ANK1: variants seen among roughly 807,000 people sequenced by gnomAD.
The protein encoded by ANK1 is ankyrin 1.
Under a neutral mutation model 210.4 loss-of-function variants are expected in ANK1, and 51 were observed. The observed-to-expected ratio is 0.24, with a 90% confidence interval of 0.19 to 0.31. The LOEUF (loss-of-function observed/expected upper bound fraction) is 0.31. ANK1 is among the 10% of genes least tolerant of loss of function. The pLI is 1.00. For missense variants in ANK1, 2,051 were observed against 2,504.4 expected (o/e 0.82, Z 3.86); for synonymous variants, 967 against 1,025.9 (o/e 0.94, Z 1.10).
chr8:41,702,202 C>G, intron 20 of ANK1, 58 bp from the exon 21 acceptor site: 1 of 1,454,574 alleles, frequency 6.9e-7, no homozygotes, highest in Non-Finnish European at 9.6e-7. Context: ...GGAGGCGGGG[C>G]TGGCTCCCTA....
chr8:41,718,054 G>C, intron 11 of ANK1, 52 bp downstream of exon 11: 2 of 1,557,462 alleles, frequency 1.3e-6, no homozygotes, highest in Non-Finnish European at 1.8e-6. Flanking sequence ...GGAGAAGGTG[G>C]GTCGGGGGAG....
At chr8:41,674,780 G>A (rs1474868137) in intron 37 of ANK1, among the ~76,000 whole-genome samples, 1 of 152,224 alleles carries the variant, frequency 6.6e-6, no homozygotes, top group Non-Finnish European at 1.5e-5. Context: ...TGGGGTGGTT[G>A]GGAGAAGGGC....
chr8:41,842,888 C>T (rs549113943), intron 1 of ANK1, among the ~76,000 whole-genome samples: 6 of 152,204 alleles, frequency 3.9e-5, no homozygotes, highest in Non-Finnish European at 7.4e-5. Flanking sequence ...CTTCTGTCGC[C>T]CAGGCTGGAG....
chr8:41,871,315 T>C (rs1469988151), intron 1 of ANK1, among the ~76,000 whole-genome samples: 2 of 152,152 alleles, frequency 1.3e-5, no homozygotes, highest in Non-Finnish European at 2.9e-5. Flanking sequence ...AGATGCTGTT[T>C]ATTTATGTTT....
intron 1 of ANK1, among the ~76,000 whole-genome samples, chr8:41,887,653 G>T (rs1429870775): frequency 1.3e-5 from 2 of 152,180 alleles, no homozygotes; most frequent in Non-Finnish European, 2.9e-5. Context: ...TGCTCACATA[G>T]TGTGTATTTC....
At chr8:41,867,792 C>T (rs1421063484) in intron 1 of ANK1, among the ~76,000 whole-genome samples, 1 of 152,234 alleles carries the variant, frequency 6.6e-6, no homozygotes, top group African/African-American at 2.4e-5. Flanking sequence ...ATACCTAGCA[C>T]AGCACAAGGC....
At chr8:41,833,893 C>T (rs1440253102) in intron 1 of ANK1, among the ~76,000 whole-genome samples, 2 of 152,134 alleles carry the variant, frequency 1.3e-5, no homozygotes, top group African/African-American at 4.8e-5. Flanking sequence ...CGAGGCCATG[C>T]CTGACACTAG....
At chr8:41,870,530 C>T (rs1815270805) in intron 1 of ANK1, among the ~76,000 whole-genome samples, 1 of 152,212 alleles carries the variant, frequency 6.6e-6, no homozygotes, top group South Asian at 2.1e-4. Context: ...CAAGGGGACT[C>T]TCTAAGCTCT....
chr8:41,862,305 C>T (rs1484266558), intron 1 of ANK1, among the ~76,000 whole-genome samples: 1 of 152,088 alleles, frequency 6.6e-6, no homozygotes, highest in Non-Finnish European at 1.5e-5. Context: ...AAAATGGTGT[C>T]TAGGAAAGCT....
rs112502032 is a variant in ANK1, at chr8:41,689,615, G to A, written c.4104+612C>T. On this transcript the variant is annotated intron_variant, in intron 33 of 42. Transcript: ENST00000289734. ...AAAACCACAGAGACGGTCTGGAGACGTATGATCCCTCCAAAGTCCCCAGCA... is the reference window on the plus strand; with the variant it reads ...AAAACCACAGAGACGGTCTGGAGACATATGATCCCTCCAAAGTCCCCAGCA... 3.3e-5 allele frequency among the ~76,000 whole-genome samples: 5 copies of A among 152,132 alleles called. No individual in the cohort carries two copies. In the East Asian group the frequency reaches 5.8e-4, roughly 18 times the overall value.
At chr8:41,809,087 C>G (rs1208315990) in intron 1 of ANK1, among the ~76,000 whole-genome samples, 4 of 152,228 alleles carry the variant, frequency 2.6e-5, no homozygotes, top group African/African-American at 4.8e-5. Context: ...AAATGTGGTT[C>G]ATCCAGGGCT....
chr8:41,768,784 A>T (rs1222071590), intron 1 of ANK1, among the ~76,000 whole-genome samples: 1 of 138,480 alleles, frequency 7.2e-6, no homozygotes, highest in African/African-American at 2.8e-5. Flanking sequence ...CAACATAGTG[A>T]GACCCCCTGT....
At chr8:41,767,232 G>A (rs1236666451) in intron 1 of ANK1, among the ~76,000 whole-genome samples, 1 of 151,934 alleles carries the variant, frequency 6.6e-6, no homozygotes, top group Non-Finnish European at 1.5e-5. Context: ...CCGGGCAGCC[G>A]GGCGCGGAGC....
intron 38 of ANK1, 148 bp from the exon 39 acceptor site, chr8:41,668,712 T>C (rs1160336192): frequency 1.1e-6 from 1 of 899,882 alleles, no homozygotes; most frequent in Admixed American, 2.7e-5. Context: ...CCTCCAAAGG[T>C]CAGGGGCGCA....
At chr8:41,864,452 C>T (rs1171994320) in intron 1 of ANK1, among the ~76,000 whole-genome samples, 3 of 152,144 alleles carry the variant, frequency 2.0e-5, no homozygotes, top group Non-Finnish European at 4.4e-5. Context: ...CTCCTGCCCA[C>T]CACGAGAGCT....
intron 1 of ANK1, among the ~76,000 whole-genome samples, chr8:41,837,244 C>T (rs1301120970): frequency 5.3e-5 from 8 of 152,198 alleles, no homozygotes; most frequent in Admixed American, 2.0e-4. Context: ...CACCTTCATC[C>T]AGCACTTACT....
chr8:41,744,870 G>C (rs1464116445), intron 2 of ANK1, among the ~76,000 whole-genome samples: 1 of 152,154 alleles, frequency 6.6e-6, no homozygotes, highest in East Asian at 1.9e-4. Context: ...GTCCAGCATG[G>C]CCATATGGCC....
At chr8:41,861,759 G>A (rs903859215) in intron 1 of ANK1, among the ~76,000 whole-genome samples, 1 of 152,222 alleles carries the variant, frequency 6.6e-6, no homozygotes, top group Admixed American at 6.5e-5. Flanking sequence ...CAGGTATCTG[G>A]GAGGACCCAA....
Position 41,655,273 on chromosome 8 carries a change from T to A in ANK1, c.*517A>T, listed in dbSNP as rs1266345011. ...GGCAGATGAGGACATGGCTTAAGAT[T>A]AAGGTGTTAAACTGATTTCATGCCT... On this transcript the variant is annotated 3_prime_UTR_variant, in exon 43 of 43. Transcript: ENST00000289734. 1 of 167,330 alleles carries A rather than the reference T, an allele frequency of 6.0e-6. No homozygotes were observed. The highest frequency in any genetic ancestry group is 1.3e-5 in the Non-Finnish European group (1 of 77,990). The allele number at this position is 167,330 out of a possible 1,614,324, so 10.4% of individuals were successfully genotyped here.
Sources: allele counts gnomAD v4.1 joint callset (sites outside exome capture counted in the v4.1 genomes callset), GRCh38; gene constraint gnomAD v4.1.1; transcripts MANE v1.5; gene names NCBI Gene and HGNC (gene_info 2026-07-23, HGNC 2026-07-21).